Variants in PTPRD observed in about 807,000 individuals in gnomAD.
PTPRD encodes the protein receptor-type tyrosine-protein phosphatase delta.
A neutral mutation model predicts 214.5 loss-of-function variants in PTPRD; 34 were observed. The observed-to-expected ratio is 0.16, with a 90% CI of 0.12 to 0.21. The LOEUF (loss-of-function observed/expected upper bound fraction) is 0.21. Ranked by LOEUF, PTPRD falls within the 10% of genes least tolerant of loss-of-function variation. The pLI is 1.00. For missense variants in PTPRD, 2,545 were observed against 2,398.7 expected (o/e 1.06, Z -1.27); for synonymous variants, 1,128 against 845.7 (o/e 1.33, Z -5.79).
At chr9:10,008,036 A>T (rs1211384370) in intron 4 of PTPRD, among the ~76,000 whole-genome samples, 1 of 152,024 alleles carries the variant, frequency 6.6e-6, no homozygotes, top group African/African-American at 2.4e-5. Context: ...ATTTGAGGAA[A>T]TATTCATAAG....
At chr9:8,667,615 T>G (rs1195086917) in intron 12 of PTPRD, among the ~76,000 whole-genome samples, 2 of 152,090 alleles carry the variant, frequency 1.3e-5, no homozygotes, top group Non-Finnish European at 2.9e-5. Flanking sequence ...ATATAAGACA[T>G]ATAAAATATA....
At chr9:9,473,593 A>G (rs1376941908) in intron 8 of PTPRD, among the ~76,000 whole-genome samples, 1 of 152,120 alleles carries the variant, frequency 6.6e-6, no homozygotes, top group Admixed American at 6.5e-5. Flanking sequence ...CATTCCCACT[A>G]ACAGTGTGTA....
intron 7 of PTPRD, among the ~76,000 whole-genome samples, chr9:9,709,341 C>G (rs919694752): frequency 2.0e-5 from 3 of 151,884 alleles, no homozygotes; most frequent in Non-Finnish European, 4.4e-5. Flanking sequence ...CTATAACTTT[C>G]TCAATAATCT....
At chr9:8,483,716 T>C (rs1264234470) in intron 30 of PTPRD, among the ~76,000 whole-genome samples, 1 of 151,226 alleles carries the variant, frequency 6.6e-6, no homozygotes, top group Admixed American at 6.6e-5. Context: ...GAGGTGGAGG[T>C]TGCAGTGAGC....
At chr9:8,427,376 T>C (rs2094751734) in intron 35 of PTPRD, among the ~76,000 whole-genome samples, 2 of 152,198 alleles carry the variant, frequency 1.3e-5, no homozygotes, top group South Asian at 4.1e-4. Context: ...GCTCCTGTTG[T>C]TGATACTAGC....
At chr9:8,410,260 A>G (rs2093408693) in intron 35 of PTPRD, among the ~76,000 whole-genome samples, 1 of 152,222 alleles carries the variant, frequency 6.6e-6, no homozygotes, top group Admixed American at 6.5e-5. Context: ...GTTGAATCCT[A>G]TGATGTTTTA....
chr9:10,286,213 G>C (rs1388119756), intron 3 of PTPRD, among the ~76,000 whole-genome samples: 1 of 151,986 alleles, frequency 6.6e-6, no homozygotes, highest in South Asian at 2.1e-4. Context: ...AAAAATAATA[G>C]CAATATTGCT....
At chr9:9,610,888 C>A (rs1271980709) in intron 7 of PTPRD, among the ~76,000 whole-genome samples, 1 of 152,132 alleles carries the variant, frequency 6.6e-6, no homozygotes, top group Non-Finnish European at 1.5e-5. Context: ...TCTGCTAAAA[C>A]AACCCACATG....
intron 11 of PTPRD, among the ~76,000 whole-genome samples, chr9:8,786,179 C>T (rs1486190865): frequency 6.6e-6 from 1 of 151,842 alleles, no homozygotes; most frequent in East Asian, 1.9e-4. Flanking sequence ...GCCATGGAAC[C>T]ATTCATAAAT....
chr9:10,543,056 T>A (rs972688873), intron 2 of PTPRD, among the ~76,000 whole-genome samples: 1 of 151,786 alleles, frequency 6.6e-6, no homozygotes, highest in African/African-American at 2.4e-5. Context: ...AGGACAATTT[T>A]GTATTTTTAG....
chr9:9,195,086 G>A (rs868643587), intron 9 of PTPRD, among the ~76,000 whole-genome samples: 17 of 131,194 alleles, frequency 1.3e-4, no homozygotes, highest in East Asian at 7.6e-4. Flanking sequence ...GTGTGTTTGT[G>A]TATATATATA....
intron 2 of PTPRD, among the ~76,000 whole-genome samples, chr9:10,604,755 C>A (rs987257107): frequency 2.0e-5 from 3 of 151,662 alleles, no homozygotes; most frequent in Non-Finnish European, 2.9e-5. Context: ...AAACAGGTAC[C>A]ATAGATAAGT....
At chr9:10,115,032 GA>G (rs202240778) in intron 3 of PTPRD, among the ~76,000 whole-genome samples, 15 of 135,772 alleles carry the variant, frequency 1.1e-4, no homozygotes, top group African/African-American at 3.0e-4. Context: ...TATTGGATAA[GA>G]AAAAAAAACG....
chr9:10,286,379 T>C (rs1199144205), intron 3 of PTPRD, among the ~76,000 whole-genome samples: 1 of 152,048 alleles, frequency 6.6e-6, no homozygotes, highest in Non-Finnish European at 1.5e-5. Flanking sequence ...AAGGCAGAGA[T>C]TGCAGTGAGC....
intron 9 of PTPRD, among the ~76,000 whole-genome samples, chr9:9,277,206 G>T (rs1375158887): frequency 6.6e-6 from 1 of 151,172 alleles, no homozygotes; most frequent in Non-Finnish European, 1.5e-5. Context: ...AAATTTAATT[G>T]AACAAATATT....
At chr9:9,175,594 G>C (rs1396157436) in intron 10 of PTPRD, among the ~76,000 whole-genome samples, 2 of 124,606 alleles carry the variant, frequency 1.6e-5, no homozygotes, top group Non-Finnish European at 3.1e-5. Context: ...CTGCACTCCA[G>C]CTTGGGCAAC....
chr9:9,051,984 A>G (rs1007572582), intron 10 of PTPRD, among the ~76,000 whole-genome samples: 2 of 152,212 alleles, frequency 1.3e-5, no homozygotes, highest in Non-Finnish European at 2.9e-5. Context: ...ATCTTCATCC[A>G]TCTGGATTGC....
In PTPRD at chr9:9,667,931, A is replaced by G. The variant is rs181668184; in HGVS notation, c.-287+66602T>C. 5.3e-4 allele frequency among the ~76,000 whole-genome samples: 80 copies of G among 152,288 alleles called. 1 individual carries two copies. Among genetic ancestry groups the G allele is most frequent in the African/African-American group, 1.8e-3 (76 of 41,578 alleles). On this transcript the variant is annotated intron_variant, in intron 7 of 45. Coordinates refer to ENST00000381196, the MANE Select transcript of PTPRD (RefSeq NM_002839.4). Reference sequence around the variant, plus strand: ...TCTCTTAGCAATGGAACAATTACAGATATTTCTAAATAAAGACTTATGAGC... The same window carrying G: ...TCTCTTAGCAATGGAACAATTACAGGTATTTCTAAATAAAGACTTATGAGC...
At chr9:9,494,884 G>T (rs922845171) in intron 8 of PTPRD, among the ~76,000 whole-genome samples, 1 of 152,174 alleles carries the variant, frequency 6.6e-6, no homozygotes, top group African/African-American at 2.4e-5. Context: ...GAAGAAAACT[G>T]TAAGATTCAC....
Sources: gnomAD v4.1 joint callset for allele counts (sites outside exome capture counted in the v4.1 genomes callset) on GRCh38, gnomAD v4.1.1 for gene constraint, MANE v1.5 for transcripts, NCBI Gene and HGNC (gene_info 2026-07-23, HGNC 2026-07-21) for gene names.